The following DOCK1 variants were observed in gnomAD, a reference collection of about 807,000 sequenced individuals.
DOCK1 encodes dedicator of cytokinesis protein 1.
Under a neutral mutation model 262.7 loss-of-function variants are expected in DOCK1, and 138 were observed. The observed-to-expected ratio is 0.53, with a 90% CI of 0.46 to 0.61. The LOEUF is 0.61. Ranked by LOEUF, DOCK1 falls within the 20% of genes least tolerant of loss-of-function variation. The probability of loss-of-function intolerance (pLI) is 0.00; values close to 1 mark genes in which losing one functional copy is unlikely to be tolerated. For synonymous variants in DOCK1, 866 were observed against 867.4 expected (o/e 1.00, Z 0.03); for missense variants, 1,908 against 2,370.7 (o/e 0.80, Z 4.05).
intron 23 of DOCK1, among the ~76,000 whole-genome samples, chr10:127,091,057 C>T (rs1029671442): frequency 6.7e-6 from 1 of 150,306 alleles, no homozygotes; most frequent in South Asian, 2.1e-4. Context: ...TCTCGGCTCA[C>T]TGCAAGCTCT....
At chr10:127,387,933 G>T (rs1397803421) in intron 38 of DOCK1, among the ~76,000 whole-genome samples, 1 of 151,648 alleles carries the variant, frequency 6.6e-6, no homozygotes, top group Non-Finnish European at 1.5e-5. Context: ...ATCATATGGA[G>T]GGGCAAAACG....
At chr10:127,093,198 T>TTTTCTTTCTTTCTTTGTTTCTTTC (rs2047651714) in intron 23 of DOCK1, among the ~76,000 whole-genome samples, 1 of 92,354 alleles carries the variant, frequency 1.1e-5, no homozygotes, top group Non-Finnish European at 2.3e-5. Flanking sequence ...TCCCTCTCCT[T>TTTTCTTTCTTTCTTTGTTTCTTTC]TTTCTTTCTT....
chr10:127,224,331 C>T (rs566694902), intron 27 of DOCK1, among the ~76,000 whole-genome samples: 33 of 152,106 alleles, frequency 2.2e-4, no homozygotes, highest in Non-Finnish European at 2.9e-4. Context: ...GAGGCTGAGG[C>T]AGGCAGGTCA....
At chr10:127,138,894 T>C (rs1476641146) in intron 27 of DOCK1, among the ~76,000 whole-genome samples, 1 of 152,228 alleles carries the variant, frequency 6.6e-6, no homozygotes. Context: ...AAGGACCACA[T>C]TTGATCTTCT....
chr10:127,228,776 T>G (rs1351727579), intron 27 of DOCK1, among the ~76,000 whole-genome samples: 1 of 152,238 alleles, frequency 6.6e-6, no homozygotes, highest in Non-Finnish European at 1.5e-5. Flanking sequence ...ATGTCAACAT[T>G]TTTAAATTTT....
At chr10:126,912,650 C>A (rs1400148123) in intron 1 of DOCK1, among the ~76,000 whole-genome samples, 1 of 150,304 alleles carries the variant, frequency 6.7e-6, no homozygotes, top group Non-Finnish European at 1.5e-5. Context: ...GGCGTGAACC[C>A]GGGAGGCGGA....
chr10:127,120,318 C>T (rs1408502013), intron 25 of DOCK1, among the ~76,000 whole-genome samples: 5 of 152,212 alleles, frequency 3.3e-5, no homozygotes, highest in African/African-American at 1.2e-4. Flanking sequence ...AGGTCTTTAA[C>T]ATCGGCTTTC....
chr10:127,012,193 C>G lies in DOCK1; in HGVS notation c.1059-39C>G. 8.8e-7 allele frequency: 1 copy of G among 1,139,866 alleles called. No individual in the cohort carries two copies. Among genetic ancestry groups the G allele is most frequent in the African/African-American group, 1.5e-5 (1 of 65,814 alleles). 70.6% of individuals were successfully genotyped at this position (1,139,866 alleles called of 1,614,324 possible). On this transcript the variant is annotated intron_variant, in intron 11 of 51. Coordinates refer to ENST00000623213, the MANE Select transcript of DOCK1 (RefSeq NM_001290223.2). This position sits in a 1 kb window ranked among gnomAD's most constrained non-coding sequence, Gnocchi z 4.0. Reference sequence around the variant, plus strand: ...CCGTGGCCCATGGGTCTCTGTGCCCCTTTGTCTCCTGTGGTCTTGGTCGTC... The same window carrying G: ...CCGTGGCCCATGGGTCTCTGTGCCCGTTTGTCTCCTGTGGTCTTGGTCGTC...
In DOCK1 at chr10:127,132,741, C is replaced by T. The variant is rs370189158; in HGVS notation, c.2847+4977C>T. ...AGTAACATTTCCGTCTCCTGTGATACGCGCTGCTGTTGCTTCTTTCAAATG... is the reference window on the plus strand; with the variant it reads ...AGTAACATTTCCGTCTCCTGTGATATGCGCTGCTGTTGCTTCTTTCAAATG... On this transcript the variant is annotated intron_variant, in intron 27 of 51. Coordinates refer to ENST00000623213, the MANE Select transcript of DOCK1 (RefSeq NM_001290223.2). Among the ~76,000 whole-genome samples, 19 of 152,228 alleles carry T rather than the reference C, an allele frequency of 1.2e-4. No homozygotes were observed. The East Asian group carries it at 3.5e-3, about 28-fold the overall frequency.
chr10:127,004,229 G>T (rs546107579), intron 10 of DOCK1, among the ~76,000 whole-genome samples: 1 of 145,890 alleles, frequency 6.9e-6, no homozygotes, highest in Admixed American at 6.9e-5. Context: ...GATGGGGCGA[G>T]ACTCCATCTC....
At chr10:126,985,969 T>C (rs1591539592) in intron 4 of DOCK1, among the ~76,000 whole-genome samples, 1 of 152,080 alleles carries the variant, frequency 6.6e-6, no homozygotes, top group South Asian at 2.1e-4. Context: ...TTCAGCCTCC[T>C]GAGTAGCTGG....
intron 12 of DOCK1, among the ~76,000 whole-genome samples, chr10:127,015,351 G>A (rs1301364961): frequency 1.3e-5 from 2 of 150,228 alleles, no homozygotes; most frequent in African/African-American, 2.4e-5. Context: ...GAGCGCCCCC[G>A]CCCCCTCTGC....
At chr10:127,444,016 G>C in intron 49 of DOCK1, 110 bp from the exon 50 acceptor site, 1 of 1,393,422 alleles carries the variant, frequency 7.2e-7, no homozygotes. Context: ...TCCAGTTAAG[G>C]TCATATTCTA....
intron 38 of DOCK1, among the ~76,000 whole-genome samples, chr10:127,396,779 A>AT (rs1252383386): frequency 1.5e-4 from 22 of 148,198 alleles, no homozygotes; most frequent in African/African-American, 2.7e-4. Context: ...AAAAATCTTC[A>AT]TTTTTTTATC....
At chr10:127,011,035 G>T (rs1407064548) in intron 11 of DOCK1, among the ~76,000 whole-genome samples, 1 of 152,230 alleles carries the variant, frequency 6.6e-6, no homozygotes, top group East Asian at 1.9e-4. Context: ...AACATGTTAT[G>T]AGTTGTTTGA....
At chr10:127,425,162 G>T (rs1444323186) in intron 46 of DOCK1, among the ~76,000 whole-genome samples, 1 of 152,174 alleles carries the variant, frequency 6.6e-6, no homozygotes, top group Non-Finnish European at 1.5e-5. Flanking sequence ...TTACATGGAA[G>T]AATGTCTAAC....
At position 127,190,664 on chromosome 10, in the gene DOCK1, TTCCCCCCCCC is replaced by T. The variant is rs1412427153; in HGVS notation, c.2848-57343_2848-57334del. ...TCAAATATTTAATAGAAATCCTATC[TTCCCCCCCCC>T]CCCCCCCCCGTTCCTGCTGGCTCCC... On this transcript the variant is annotated intron_variant, in intron 27 of 51. Transcript: ENST00000623213. 3.6e-3 allele frequency among the ~76,000 whole-genome samples: 55 copies of T among 15,266 alleles called. 19 individuals carry two copies. The East Asian group carries it at 0.081, about 22-fold the overall frequency. 10.0% of individuals were successfully genotyped at this position (15,266 alleles called of 152,430 possible). A position where few individuals can be genotyped will look rare whatever the true frequency, so the allele number is the denominator to read the frequency against.
At chr10:127,200,418 G>A (rs762185533) in intron 27 of DOCK1, among the ~76,000 whole-genome samples, 9 of 152,030 alleles carry the variant, frequency 5.9e-5, no homozygotes, top group Non-Finnish European at 1.2e-4. Context: ...ATCTGTTTTC[G>A]TTTTTGTTTT....
chr10:127,151,066 T>C (rs1436172358), intron 27 of DOCK1, among the ~76,000 whole-genome samples: 1 of 152,244 alleles, frequency 6.6e-6, no homozygotes, highest in Non-Finnish European at 1.5e-5. Context: ...GATTTTTCAA[T>C]TAATGGACCA....
Sources: gnomAD v4.1 joint callset for allele counts (sites outside exome capture counted in the v4.1 genomes callset) on GRCh38, gnomAD v4.1.1 for gene constraint, Gnocchi (gnomAD v3.1) non-coding constraint, MANE v1.5 for transcripts, NCBI Gene and HGNC (gene_info 2026-07-23, HGNC 2026-07-21) for gene names.